RAD18: variants seen among roughly 807,000 people sequenced by gnomAD.
RAD18 encodes E3 ubiquitin-protein ligase RAD18.
Under a neutral mutation model 60.4 loss-of-function variants are expected in RAD18, and 47 were observed. The ratio of observed to expected loss-of-function variants is 0.78; its 90% confidence interval spans 0.62 to 0.99. The LOEUF (loss-of-function observed/expected upper bound fraction) is 0.99. Ranked by LOEUF, RAD18 falls within the 50% of genes least tolerant of loss-of-function variation. RAD18 has a pLI of 0.00. For missense variants in RAD18, 640 were observed against 593.3 expected (o/e 1.08, Z -0.82); for synonymous variants, 225 against 195.5 (o/e 1.15, Z -1.26).
At chr3:8,915,585 CTTTTTTT>C (rs749576578) in intron 7 of RAD18, among the ~76,000 whole-genome samples, 1 of 139,912 alleles carries the variant, frequency 7.1e-6, no homozygotes, top group African/African-American at 2.6e-5. Flanking sequence ...GGCTATTTTC[CTTTTTTT>C]TTTTTTTTTG....
intron 3 of RAD18, 128 bp from the exon 4 acceptor site, chr3:8,947,418 T>C: frequency 1.4e-6 from 1 of 712,958 alleles, no homozygotes; most frequent in East Asian, 2.5e-5. Flanking sequence ...TAAGGCAGCC[T>C]CAAAATAAAG....
At chr3:8,904,551 G>A (rs17791487) in intron 9 of RAD18, among the ~76,000 whole-genome samples, 6,124 of 152,254 alleles carry the variant, frequency 0.04, 143 homozygotes, top group Middle Eastern at 0.071. Flanking sequence ...TATGCTGGCC[G>A]TAAAGATCAC....
At chr3:8,903,527 A>G (rs961444030) in intron 9 of RAD18, among the ~76,000 whole-genome samples, 4 of 152,162 alleles carry the variant, frequency 2.6e-5, no homozygotes, top group Non-Finnish European at 4.4e-5. Context: ...ACGATACTAT[A>G]CTAACTCTAA....
At chr3:8,915,070 A>T (rs1002271462) in intron 7 of RAD18, among the ~76,000 whole-genome samples, 1 of 143,040 alleles carries the variant, frequency 7.0e-6, no homozygotes, top group Non-Finnish European at 1.5e-5. Flanking sequence ...AATGGCGTGA[A>T]CCCGGGAGGC....
chr3:8,962,222 C>T (rs1356665776), intron 1 of RAD18, among the ~76,000 whole-genome samples: 1 of 152,174 alleles, frequency 6.6e-6, no homozygotes, highest in East Asian at 1.9e-4. Flanking sequence ...GGTTAAGTTA[C>T]TAACCGAAGG....
chr3:8,922,532 C>T (rs575368575), intron 7 of RAD18, among the ~76,000 whole-genome samples: 41 of 152,248 alleles, frequency 2.7e-4, no homozygotes, highest in African/African-American at 8.9e-4. Context: ...CCTCTGCAGG[C>T]TTAAATGTCC....
intron 9 of RAD18, among the ~76,000 whole-genome samples, chr3:8,904,853 GA>G (rs1939978023): frequency 6.6e-6 from 1 of 152,166 alleles, no homozygotes; most frequent in Non-Finnish European, 1.5e-5. Context: ...AATTAGTCAA[GA>G]AATTTGCTAA....
chr3:8,951,962 G>A (rs763652751), intron 2 of RAD18, among the ~76,000 whole-genome samples: 8 of 152,086 alleles, frequency 5.3e-5, no homozygotes, highest in Non-Finnish European at 7.4e-5. Flanking sequence ...CATAAGCTCC[G>A]GTATCTCTTC....
intron 9 of RAD18, among the ~76,000 whole-genome samples, chr3:8,908,670 T>C (rs562241344): frequency 2.5e-4 from 38 of 152,330 alleles, no homozygotes; most frequent in African/African-American, 8.9e-4. Flanking sequence ...GTATTTTGTT[T>C]TGGCAACCCT....
chr3:8,936,620 C>T (rs1161583857), intron 6 of RAD18, among the ~76,000 whole-genome samples: 1 of 152,126 alleles, frequency 6.6e-6, no homozygotes, highest in Non-Finnish European at 1.5e-5. Context: ...ATTACACTTG[C>T]TATCATTTCA....
At chr3:8,940,830 T>C (rs1403456183) in intron 5 of RAD18, among the ~76,000 whole-genome samples, 1 of 152,184 alleles carries the variant, frequency 6.6e-6, no homozygotes, top group African/African-American at 2.4e-5. Context: ...CAGGTAGAAT[T>C]TAGACTTTAC....
At position 8,925,221 on chromosome 3, in the gene RAD18, A is replaced by C. The variant is rs1276547580; in HGVS notation, c.889+10650T>G. 5.9e-5 allele frequency among the ~76,000 whole-genome samples: 9 copies of C among 152,306 alleles called. No individual in the cohort carries two copies. In the East Asian group the frequency reaches 1.7e-3, roughly 29 times the overall value. Reference sequence around the variant, plus strand: ...CAAATAGACGCAATAAAAAATGATAAAGGGGATATCACCACCGATCCCACA... The same window carrying C: ...CAAATAGACGCAATAAAAAATGATACAGGGGATATCACCACCGATCCCACA... On this transcript the variant is annotated intron_variant, in intron 7 of 12. Coordinates refer to ENST00000264926, the MANE Select transcript of RAD18 (RefSeq NM_020165.4).
intron 7 of RAD18, among the ~76,000 whole-genome samples, chr3:8,929,770 T>C (rs527507175): frequency 7.5e-4 from 114 of 152,144 alleles, no homozygotes; most frequent in African/African-American, 2.5e-3. Flanking sequence ...GCCTCCTGAG[T>C]AGCTGGGATT....
rs1939412690 is a variant in RAD18 at position 8,879,031 on chromosome 3, G to C, written c.*2326C>G. The C allele has an allele frequency of 6.6e-6, 1 of 152,152 alleles. No individual in the cohort carries two copies. Among genetic ancestry groups the C allele is most frequent in the South Asian group, 2.1e-4 (1 of 4,814 alleles). The allele number at this position is 152,152 out of a possible 1,614,324, so 9.4% of individuals were successfully genotyped here. ...TGAACATACATTTCTTTCAATGTAT[G>C]AATATTAAACATATGCTAAGTGCTA... On this transcript the variant is annotated 3_prime_UTR_variant, in exon 13 of 13. Transcript: ENST00000264926.
Position 8,902,392 on chromosome 3 carries a change from A to G in RAD18, c.1156T>C (p.Ser386Pro), listed in dbSNP as rs200677135. The change falls in exon 10 of 13, where the codon TCT becomes CCT. Residue 386 changes from serine to proline, a missense_variant. Coordinates refer to ENST00000264926, the MANE Select transcript of RAD18 (RefSeq NM_020165.4). Reference protein sequence around the residue: ...KEDESTEKLSSVCMGQEDNMT... With the variant: ...KEDESTEKLSPVCMGQEDNMT... ...TATAGTCTCTTACCCATGCATACAG[A>G]AGATAGCTTTTCTGTAGATTCATCT... is the stretch of plus-strand genomic sequence containing the variant. The G allele has an allele frequency of 2.5e-6, 4 of 1,600,298 alleles. No homozygotes were observed. The East Asian group carries it at 9.1e-5, about 36-fold the overall frequency.
At chr3:8,918,979 G>C (rs1012306402) in intron 7 of RAD18, among the ~76,000 whole-genome samples, 6 of 152,334 alleles carry the variant, frequency 3.9e-5, no homozygotes, top group Non-Finnish European at 8.8e-5. Context: ...TAACTGAGAA[G>C]AGAATATCAA....
At position 8,947,221 on chromosome 3, in the gene RAD18, G is replaced by A. The variant is rs769975828; in HGVS notation, c.265C>T (p.Arg89Trp). 2.5e-5 allele frequency: 40 copies of A among 1,595,098 alleles called. No homozygotes were observed. Among genetic ancestry groups the A allele is most frequent in the South Asian group, 4.4e-5 (4 of 90,322 alleles). Residue 89 changes from arginine to tryptophan, a missense_variant and splice_region_variant, in exon 4 of 13, where the codon CGG (arginine) becomes TGG (tryptophan). By Grantham distance (101) the Arg-to-Trp change is moderately radical (BLOSUM62 -3). Transcript: ENST00000264926. ...GTTAGTCACAAAATTAAATCATACC[G>A]TGCAAAATTCAAGCTTTTTACCAGT... ...DELVKSLNFA[R>W]NHLLQFALES...
chr3:8,904,894 A>C (rs954698603), intron 9 of RAD18, among the ~76,000 whole-genome samples: 45 of 152,220 alleles, frequency 3.0e-4, no homozygotes, highest in African/African-American at 1.0e-3. Context: ...AAGGAGACTT[A>C]ATGACTTATT....
At chr3:8,888,010 T>G (rs1939601403) in intron 12 of RAD18, among the ~76,000 whole-genome samples, 1 of 152,164 alleles carries the variant, frequency 6.6e-6, no homozygotes, top group Non-Finnish European at 1.5e-5. Flanking sequence ...TCTAGGTAAC[T>G]AGGGACCACT....
Sources: allele counts gnomAD v4.1 joint callset (sites outside exome capture counted in the v4.1 genomes callset), GRCh38; gene constraint gnomAD v4.1.1; transcripts MANE v1.5; gene names NCBI Gene and HGNC (gene_info 2026-07-23, HGNC 2026-07-21).